Variants in ARHGEF38 observed in about 807,000 individuals in gnomAD.
ARHGEF38 encodes the protein Rho guanine nucleotide exchange factor 38, also known as Rho guanine nucleotide exchange factor (GEF) 38.
A neutral mutation model predicts 79.9 loss-of-function variants in ARHGEF38; 79 were observed. That is an observed-to-expected ratio of 0.99 (90% confidence interval 0.82 to 1.19). ARHGEF38 has a LOEUF of 1.19. Ranked by LOEUF, ARHGEF38 falls within the 50% of genes most tolerant of loss-of-function variation. ARHGEF38 has a pLI of 0.00. For synonymous variants in ARHGEF38, 366 were observed against 328.3 expected (o/e 1.11, Z -1.24); for missense variants, 962 against 907.2 (o/e 1.06, Z -0.78).
chr4:105,623,004 G>A (rs1010522540), intron 3 of ARHGEF38, among the ~76,000 whole-genome samples: 39 of 152,178 alleles, frequency 2.6e-4, no homozygotes, highest in African/African-American at 9.4e-4. Flanking sequence ...GAAGAAGGAA[G>A]AACAGATAAG....
In ARHGEF38 at chr4:105,648,567, A is replaced by G. The variant is rs1265584062; in HGVS notation, c.893A>G (p.Asn298Ser). 1 of 1,518,316 alleles carries G rather than the reference A, an allele frequency of 6.6e-7. No individual in the cohort carries two copies. Among genetic ancestry groups the G allele is most frequent in the Non-Finnish European group, 8.8e-7 (1 of 1,140,086 alleles). 94.1% of individuals were successfully genotyped at this position (1,518,316 alleles called of 1,614,324 possible). A position where few individuals can be genotyped will look rare whatever the true frequency, so the allele number is the denominator to read the frequency against. Residue 298 changes from asparagine (N) to serine (S), a missense_variant, in exon 7 of 14, where the codon AAT (asparagine) becomes AGT (serine). Transcript: ENST00000420470. Reference protein sequence around the residue: ...RKDLVLKYKKNDEDESLKDKL... With the variant: ...RKDLVLKYKKSDEDESLKDKL... ...TTTTCAGTTCTAAAATACAAGAAGA[A>G]TGACGAGGATGAATCACTTAAAGAC...
At chr4:105,615,711 C>T (rs895963967) in intron 3 of ARHGEF38, among the ~76,000 whole-genome samples, 13 of 152,290 alleles carry the variant, frequency 8.5e-5, no homozygotes, top group African/African-American at 2.9e-4. Flanking sequence ...GACACAATCT[C>T]TTTTAGTAGA....
Position 105,630,972 on chromosome 4 carries a change from C to T in ARHGEF38, c.583C>T (p.His195Tyr). 1 of 1,613,818 alleles carries T rather than the reference C, an allele frequency of 6.2e-7. No individual in the cohort carries two copies. Among genetic ancestry groups the T allele is most frequent in the Non-Finnish European group, 8.5e-7 (1 of 1,179,878 alleles). The change falls in exon 4 of 14, where the codon CAT becomes TAT. Residue 195 changes from histidine to tyrosine, a missense_variant. Physicochemically the swap from His to Tyr is moderately conservative, Grantham distance 83. Coordinates refer to ENST00000420470, the MANE Select transcript of ARHGEF38 (RefSeq NM_001242729.2). The part of the protein sequence containing the change: ...KIYCYHHDEA[H>Y]SILESYEKEE... The stretch of plus-strand genomic sequence containing the variant: ...CTACTGCTATCACCATGATGAAGCA[C>T]ATAGTATACTGGAGTCCTATGAAAA...
At chr4:105,582,929 T>C (rs903600939) in intron 1 of ARHGEF38, among the ~76,000 whole-genome samples, 4 of 152,212 alleles carry the variant, frequency 2.6e-5, no homozygotes, top group Non-Finnish European at 4.4e-5. Context: ...GTCTATTTTA[T>C]CTGTGTAAAA....
At chr4:105,567,099 A>G (rs1329425511) in intron 1 of ARHGEF38, among the ~76,000 whole-genome samples, 1 of 152,200 alleles carries the variant, frequency 6.6e-6, no homozygotes, top group Non-Finnish European at 1.5e-5. Flanking sequence ...GCACCCACAG[A>G]TAAGTGAGAA....
intron 4 of ARHGEF38, among the ~76,000 whole-genome samples, chr4:105,633,555 A>C (rs1035722162): frequency 6.6e-6 from 1 of 152,118 alleles, no homozygotes; most frequent in African/African-American, 2.4e-5. Flanking sequence ...TGTGGCCTCC[A>C]TTTTATCCTG....
intron 9 of ARHGEF38, among the ~76,000 whole-genome samples, chr4:105,656,790 A>G (rs1448823220): frequency 2.6e-5 from 4 of 152,058 alleles, no homozygotes; most frequent in African/African-American, 9.7e-5. Context: ...ACATCCCCTC[A>G]CATCAAGACG....
At chr4:105,656,821 C>A (rs1049942664) in intron 9 of ARHGEF38, among the ~76,000 whole-genome samples, 10 of 152,004 alleles carry the variant, frequency 6.6e-5, no homozygotes, top group African/African-American at 1.9e-4. Context: ...CAGTGAAGAG[C>A]CTCACATAAT....
intron 1 of ARHGEF38, among the ~76,000 whole-genome samples, chr4:105,573,442 A>T (rs986524752): frequency 6.6e-6 from 1 of 152,194 alleles, no homozygotes; most frequent in African/African-American, 2.4e-5. Context: ...ATTCTTTTGC[A>T]TGCAAATATC....
intron 3 of ARHGEF38, among the ~76,000 whole-genome samples, chr4:105,623,265 G>T (rs1204736189): frequency 6.6e-6 from 1 of 152,196 alleles, no homozygotes; most frequent in Non-Finnish European, 1.5e-5. Context: ...CACACAGAGG[G>T]TCCAGGAGGT....
rs116678678 is a variant in ARHGEF38 at position 105,673,633 on chromosome 4, T to C, written c.2149-4119T>C. On this transcript the variant is annotated intron_variant, in intron 13 of 13. Transcript: ENST00000420470. The stretch of plus-strand genomic sequence containing the variant: ...AAAAAACAGCTTGCAAAGTTATGTA[T>C]ACTATAAGTCCATTTTTATTACCAC... Among the ~76,000 whole-genome samples the C allele has an allele frequency of 4.2e-3, 637 of 152,120 alleles. 7 individuals are homozygous for C. The highest frequency in any genetic ancestry group is 0.015 in the African/African-American group (616 of 41,500).
chr4:105,639,621 TA>T, intron 5 of ARHGEF38, among the ~76,000 whole-genome samples: 1 of 152,064 alleles, frequency 6.6e-6, no homozygotes, highest in Non-Finnish European at 1.5e-5. Context: ...TAACATCTGA[TA>T]TTGAATAATT....
rs1725584778 is a variant in ARHGEF38, at chr4:105,561,469, A to AGAATAGAATAGAATGGAATGGAATG, written c.196+8522_196+8523insGGAATGGAATGGAATAGAATAGAAT. ...AGAATGGAATAGAATAGAATAGAAT[A>AGAATAGAATAGAATGGAATGGAATG]GAATAGAATAGAATAGAATAGAATA... On this transcript the variant is annotated intron_variant, in intron 1 of 13. Transcript: ENST00000420470. 4 of 49,658 alleles carry AGAATAGAATAGAATGGAATGGAATG rather than the reference A, an allele frequency of 8.1e-5. 1 individual carries two copies. The highest frequency in any genetic ancestry group is 1.7e-4 in the African/African-American group (2 of 11,468). 3.1% of individuals were successfully genotyped at this position (49,658 alleles called of 1,614,324 possible).
intron 2 of ARHGEF38, among the ~76,000 whole-genome samples, chr4:105,593,063 A>C (rs1179697422): frequency 6.6e-6 from 1 of 152,180 alleles, no homozygotes; most frequent in Non-Finnish European, 1.5e-5. Flanking sequence ...AAACACAAAC[A>C]AACCAAAAAA....
intron 3 of ARHGEF38, among the ~76,000 whole-genome samples, chr4:105,618,551 G>A (rs1422485558): frequency 3.3e-5 from 5 of 152,172 alleles, no homozygotes; most frequent in Non-Finnish European, 7.3e-5. Context: ...AACCCAGGAG[G>A]TAGAAGTTCC....
At chr4:105,637,661 T>A (rs1448605194) in intron 5 of ARHGEF38, among the ~76,000 whole-genome samples, 1 of 152,146 alleles carries the variant, frequency 6.6e-6, no homozygotes, top group African/African-American at 2.4e-5. Flanking sequence ...AGGAACTTCA[T>A]GTGCTACAAA....
intron 10 of ARHGEF38, among the ~76,000 whole-genome samples, chr4:105,661,823 T>C (rs1373436860): frequency 6.6e-6 from 1 of 152,148 alleles, no homozygotes; most frequent in Non-Finnish European, 1.5e-5. Context: ...GTTTTGTACT[T>C]CATATAAATG....
At chr4:105,671,994 C>A (rs1730971966) in intron 13 of ARHGEF38, among the ~76,000 whole-genome samples, 1 of 152,030 alleles carries the variant, frequency 6.6e-6, no homozygotes, top group Non-Finnish European at 1.5e-5. Context: ...ACAAAAAGGA[C>A]AGGTGGCCTC....
intron 3 of ARHGEF38, 68 bp downstream of exon 3, chr4:105,613,575 T>C (rs1728393057): frequency 6.4e-7 from 1 of 1,564,820 alleles, no homozygotes; most frequent in African/African-American, 1.4e-5. Context: ...CTCCCTTTGC[T>C]TTGGTTTTTT....
Sources: gnomAD v4.1 joint callset for allele counts (sites outside exome capture counted in the v4.1 genomes callset) on GRCh38, gnomAD v4.1.1 for gene constraint, MANE v1.5 for transcripts, NCBI Gene and HGNC (gene_info 2026-07-23, HGNC 2026-07-21) for gene names.